Variants in LGALS2 observed in about 807,000 individuals in gnomAD.
The protein encoded by LGALS2 is galectin 2.
In LGALS2, 7 loss-of-function variants were observed where a neutral mutation model predicts 10.1. The ratio of observed to expected loss-of-function variants is 0.70; its 90% CI spans 0.40 to 1.31. LGALS2 has a LOEUF of 1.31. Ranked by LOEUF, LGALS2 falls within the 50% of genes most tolerant of loss-of-function variation. LGALS2 has a pLI of 0.01. For missense variants in LGALS2, 167 were observed against 163.6 expected (o/e 1.02, Z -0.11); for synonymous variants, 86 against 64.2 (o/e 1.34, Z -1.63).
At chr22:37,571,292 C>A (rs773890801) in intron 2 of LGALS2, among the ~76,000 whole-genome samples, 1 of 152,208 alleles carries the variant, frequency 6.6e-6, no homozygotes, top group Non-Finnish European at 1.5e-5. Context: ...TGGCATGCAC[C>A]TGCCCGCCCC....
chr22:37,570,799 G>A (rs1925475991), intron 2 of LGALS2, 64 bp from the exon 3 acceptor site: 1 of 1,587,258 alleles, frequency 6.3e-7, no homozygotes, highest in Non-Finnish European at 8.6e-7. Context: ...GCTTGGGTTG[G>A]AGGACCTTGG....
At position 37,571,927 on chromosome 22, in the gene LGALS2, T is replaced by A. The variant is rs1569181689; in HGVS notation, c.11A>T (p.Glu4Val). Residue 4 changes from glutamate to valine, a missense_variant, in exon 2 of 4, where the codon GAA becomes GTA. Glu to Val is a moderately radical substitution (Grantham distance 121). Coordinates refer to ENST00000215886, the MANE Select transcript of LGALS2 (RefSeq NM_006498.3). ...CATGTCCATGTTCTTAACCTCAAGT[T>A]CCCCCTGGGCCAACAGAGAAACATT... The part of the protein sequence containing the change: MTG[E>V]LEVKNMDMKP... 1 of 1,613,392 alleles carries A rather than the reference T, an allele frequency of 6.2e-7. No homozygotes were observed.
At chr22:37,579,265 G>GAA (rs1199053043) in intron 1 of LGALS2, among the ~76,000 whole-genome samples, 1 of 65,834 alleles carries the variant, frequency 1.5e-5, no homozygotes, top group Non-Finnish European at 3.3e-5. Context: ...AAAAAAAAAA[G>GAA]AGAAAGAAAA....
At chr22:37,575,284 C>T (rs956302906) in intron 1 of LGALS2, among the ~76,000 whole-genome samples, 1 of 148,178 alleles carries the variant, frequency 6.7e-6, no homozygotes, top group African/African-American at 2.5e-5. Context: ...TCACTGCATG[C>T]AGCCTCATAG....
rs577540215 is a variant in LGALS2 at position 37,570,337 on chromosome 22, G to A, written c.325C>T (p.Leu109=). 1.2e-6 allele frequency: 2 copies of A among 1,614,114 alleles called. No homozygotes were observed. Among genetic ancestry groups the A allele is most frequent in the African/African-American group, 2.7e-5 (2 of 75,050 alleles). Residue 109 remains leucine, a synonymous_variant, in exon 4 of 4, where the codon CTG becomes TTG. Transcript: ENST00000215886. ...AGGTAGCTCAGGTGGCTGTGACCCA[G>A]CCTGTTGGGAAAAGTCAGCTCGTGC... ...DGHELTFPNR[L]GHSHLSYLSV...
chr22:37,575,353 G>A (rs571867868), intron 1 of LGALS2, among the ~76,000 whole-genome samples: 6 of 151,784 alleles, frequency 4.0e-5, no homozygotes, highest in East Asian at 3.9e-4. Context: ...GACTATAGAC[G>A]TGTGCCACCA....
At chr22:37,577,282 C>G (rs1426426505) in intron 1 of LGALS2, among the ~76,000 whole-genome samples, 2 of 152,030 alleles carry the variant, frequency 1.3e-5, no homozygotes, top group Non-Finnish European at 2.9e-5. Context: ...ACATTCACAT[C>G]CTGCATCCCC....
In LGALS2 at chr22:37,580,073, AC is replaced by A. The variant is rs1341977390; in HGVS notation, c.-169del. The A allele has an allele frequency of 5.6e-6, 3 of 538,780 alleles. No homozygotes were observed. Among genetic ancestry groups the A allele is most frequent in the Non-Finnish European group, 9.8e-6 (3 of 306,616 alleles). The allele number at this position is 538,780 out of a possible 1,614,324, so 33.4% of individuals were successfully genotyped here. A position where few individuals can be genotyped will look rare whatever the true frequency, so the allele number is the denominator to read the frequency against. ...TGTCTCCCCGCCTGCATCTCCCAGT[AC>A]CCAGCACAAACAGGCAGAAGACTCC... On this transcript the variant is annotated 5_prime_UTR_variant, in exon 1 of 4. Coordinates refer to ENST00000215886, the MANE Select transcript of LGALS2 (RefSeq NM_006498.3).
intron 1 of LGALS2, among the ~76,000 whole-genome samples, chr22:37,575,646 G>T (rs139482201): frequency 6.6e-6 from 1 of 151,010 alleles, no homozygotes; most frequent in East Asian, 2.0e-4. Flanking sequence ...TTTCAGATGG[G>T]GTCTCACTAT....
At chr22:37,577,832 C>T (rs1014643996) in intron 1 of LGALS2, among the ~76,000 whole-genome samples, 5 of 152,072 alleles carry the variant, frequency 3.3e-5, no homozygotes, top group African/African-American at 7.3e-5. Context: ...GAGGAGTCCA[C>T]GTGAAGTTGG....
chr22:37,576,451 C>CAAAAAAA (rs55951617), intron 1 of LGALS2, among the ~76,000 whole-genome samples: 4 of 108,332 alleles, frequency 3.7e-5, no homozygotes, highest in African/African-American at 1.6e-4. Flanking sequence ...GACTCCGTCT[C>CAAAAAAA]AAAAAAAAAA....
chr22:37,576,147 C>T (rs913412702), intron 1 of LGALS2, among the ~76,000 whole-genome samples: 2 of 152,056 alleles, frequency 1.3e-5, no homozygotes, highest in African/African-American at 2.4e-5. Context: ...GCCAGACAGA[C>T]GGGATTAAAA....
At chr22:37,577,110 G>A (rs1391676465) in intron 1 of LGALS2, among the ~76,000 whole-genome samples, 3 of 152,148 alleles carry the variant, frequency 2.0e-5, no homozygotes, top group Admixed American at 1.3e-4. Flanking sequence ...TCGTATAAGG[G>A]ATTTGGATGA....
Position 37,570,678 on chromosome 22 carries a change from G to T in LGALS2, c.147C>A (p.Arg49=), listed in dbSNP as rs755278442. ...TDKLNLHFNP[R]FSESTIVCNS... ...TGCAGACAATGGTGGATTCGCTGAA[G>T]CGAGGGTTGAAATGCAGGTTCAGCT... Residue 49 remains arginine, a synonymous_variant, in exon 3 of 4, where the codon CGC becomes CGA. Transcript: ENST00000215886. 6.2e-7 allele frequency: 1 copy of T among 1,614,272 alleles called. No homozygotes were observed. The highest frequency in any genetic ancestry group is 1.7e-5 in the Admixed American group (1 of 60,030).
intron 1 of LGALS2, among the ~76,000 whole-genome samples, chr22:37,579,263 A>AG (rs773317621): frequency 1.6e-5 from 2 of 121,278 alleles, no homozygotes; most frequent in South Asian, 2.8e-4. Flanking sequence ...AAAAAAAAAA[A>AG]AGAGAAAGAA....
chr22:37,577,367 T>G (rs1478698876), intron 1 of LGALS2, among the ~76,000 whole-genome samples: 1 of 150,088 alleles, frequency 6.7e-6, no homozygotes, highest in African/African-American at 2.5e-5. Context: ...TTTTTTTTTT[T>G]GAGATGAAGT....
At chr22:37,572,694 G>A (rs1165892910) in intron 1 of LGALS2, among the ~76,000 whole-genome samples, 1 of 151,554 alleles carries the variant, frequency 6.6e-6, no homozygotes, top group Non-Finnish European at 1.5e-5. Context: ...GTGAACCCGG[G>A]AGGCGGAGCT....
chr22:37,573,355 C>G (rs1378422761), intron 1 of LGALS2, among the ~76,000 whole-genome samples: 1 of 152,202 alleles, frequency 6.6e-6, no homozygotes, highest in Non-Finnish European at 1.5e-5. Flanking sequence ...CTCTCCAAGC[C>G]TCACTTTCCC....
rs1318393876 is a variant in LGALS2, at chr22:37,579,153, C to T, written c.6+747G>A. Among the ~76,000 whole-genome samples, 50 of 138,222 alleles carry T rather than the reference C, an allele frequency of 3.6e-4. 1 individual carries two copies. In the Admixed American group the frequency reaches 4.1e-3, roughly 11 times the overall value. The allele number at this position is 138,222 out of a possible 152,430, so 90.7% of individuals were successfully genotyped here. ...ATCCCAGCTACTTGGGAGGCTGAGA[C>T]CAGAGAATTGCTTGAACCCAGGCAG... On this transcript the variant is annotated intron_variant, in intron 1 of 3. Coordinates refer to ENST00000215886, the MANE Select transcript of LGALS2 (RefSeq NM_006498.3).
Sources: allele counts gnomAD v4.1 joint callset (sites outside exome capture counted in the v4.1 genomes callset), GRCh38; gene constraint gnomAD v4.1.1; transcripts MANE v1.5; gene names NCBI Gene and HGNC (gene_info 2026-07-23, HGNC 2026-07-21).